The following ZNF385D variants were observed in gnomAD, a reference collection of about 807,000 sequenced individuals.
ZNF385D encodes the protein zinc finger protein 659.
A neutral mutation model predicts 35.8 loss-of-function variants in ZNF385D; 15 were observed. That is an observed-to-expected ratio of 0.42 (90% CI 0.28 to 0.64). The LOEUF is 0.64. Ranked by LOEUF, ZNF385D falls within the 30% of genes least tolerant of loss-of-function variation. ZNF385D has a pLI of 0.23. For synonymous variants in ZNF385D, 212 were observed against 186.8 expected, an observed-to-expected ratio of 1.13 and a Z score of -1.10; for missense variants, 474 against 494.6, an observed-to-expected ratio of 0.96 and a Z score of 0.39.
intron 1 of ZNF385D, among the ~76,000 whole-genome samples, chr3:21,716,591 G>A (rs2068327701): frequency 6.6e-6 from 1 of 152,016 alleles, no homozygotes; most frequent in Non-Finnish European, 1.5e-5. Flanking sequence ...TGATTTCTCG[G>A]CTTCTTAATT....
At chr3:21,935,318 C>A (rs1701206711) in intron 3 of ZNF385D, among the ~76,000 whole-genome samples, 1 of 152,138 alleles carries the variant, frequency 6.6e-6, no homozygotes, top group African/African-American at 2.4e-5. Context: ...AACACTTCTG[C>A]AGCACTTACT....
chr3:21,573,828 G>C (rs1211449145), intron 2 of ZNF385D, among the ~76,000 whole-genome samples: 3 of 151,848 alleles, frequency 2.0e-5, no homozygotes, highest in East Asian at 1.9e-4. Context: ...GGAAGGCCAA[G>C]GAGGGTGGAT....
intron 1 of ZNF385D, among the ~76,000 whole-genome samples, chr3:21,740,986 A>G (rs148642277): frequency 6.6e-6 from 1 of 152,320 alleles, no homozygotes; most frequent in African/African-American, 2.4e-5. Context: ...GCCAGGGTTT[A>G]GATCCACTGA....
At chr3:21,433,683 A>G (rs1559443534) in intron 5 of ZNF385D, among the ~76,000 whole-genome samples, 1 of 152,188 alleles carries the variant, frequency 6.6e-6, no homozygotes, top group Non-Finnish European at 1.5e-5. Flanking sequence ...CAACAATTAA[A>G]TGAACTAAAC....
chr3:21,662,394 G>A (rs2066266346), intron 2 of ZNF385D, among the ~76,000 whole-genome samples: 1 of 152,140 alleles, frequency 6.6e-6, no homozygotes, highest in Admixed American at 6.6e-5. Flanking sequence ...AGCATACCCT[G>A]AAACAAAATT....
intron 2 of ZNF385D, among the ~76,000 whole-genome samples, chr3:22,273,813 C>A (rs1037520502): frequency 2.6e-5 from 4 of 151,870 alleles, no homozygotes; most frequent in African/African-American, 9.7e-5. Context: ...ACTGGACCAG[C>A]AGAGGTTACA....
At chr3:21,559,839 C>G (rs1289578390) in intron 3 of ZNF385D, among the ~76,000 whole-genome samples, 1 of 152,180 alleles carries the variant, frequency 6.6e-6, no homozygotes, top group Non-Finnish European at 1.5e-5. Context: ...TCGCATATTT[C>G]TTGGAGGCTT....
At chr3:21,660,767 C>G (rs566565493) in intron 2 of ZNF385D, among the ~76,000 whole-genome samples, 27 of 152,290 alleles carry the variant, frequency 1.8e-4, no homozygotes, top group Admixed American at 6.5e-4. Context: ...GATAACAAAC[C>G]TAAGAGTCTG....
At chr3:22,101,343 T>C (rs1462887288) in intron 3 of ZNF385D, among the ~76,000 whole-genome samples, 1 of 152,034 alleles carries the variant, frequency 6.6e-6, no homozygotes, top group Non-Finnish European at 1.5e-5. Context: ...TACACATACA[T>C]AACCTTCCAT....
chr3:22,271,250 A>G (rs1320345041), intron 2 of ZNF385D, among the ~76,000 whole-genome samples: 1 of 152,032 alleles, frequency 6.6e-6, no homozygotes, highest in Non-Finnish European at 1.5e-5. Flanking sequence ...TCATAGCAGA[A>G]AAAAGGATGA....
At chr3:21,885,260 TTTTTTCTTTCA>T (rs1698481762) in intron 3 of ZNF385D, among the ~76,000 whole-genome samples, 1 of 152,066 alleles carries the variant, frequency 6.6e-6, no homozygotes, top group African/African-American at 2.4e-5. Flanking sequence ...CAAAATTCAT[TTTTTTCTTTCA>T]TTCTTCCTTT....
intron 2 of ZNF385D, among the ~76,000 whole-genome samples, chr3:22,265,368 T>C (rs1306709699): frequency 2.0e-5 from 3 of 152,004 alleles, no homozygotes; most frequent in South Asian, 2.1e-4. Context: ...GCGATCATCA[T>C]GAAATTACAA....
intron 2 of ZNF385D, among the ~76,000 whole-genome samples, chr3:22,281,671 A>G (rs550844875): frequency 2.0e-5 from 3 of 151,756 alleles, no homozygotes; most frequent in African/African-American, 4.8e-5. Flanking sequence ...TTTTGCATCT[A>G]TGTTCATCAG....
In ZNF385D at chr3:22,216,536, T is replaced by C. The variant is rs560817193; in HGVS notation, c.107-47501A>G. 3.5e-4 allele frequency among the ~76,000 whole-genome samples: 53 copies of C among 152,152 alleles called. No homozygotes were observed. The Middle Eastern group carries it at 0.034, about 98-fold the overall frequency. ...TTCAAGTAACAGAAAATCTTAAGCA[T>C]TGACCCAGATGTGAAAATACAAGGA... On this transcript the variant is annotated intron_variant, in intron 2 of 5. Coordinates refer to the ZNF385D transcript ENST00000494108.
At chr3:22,284,283 G>T (rs1297590051) in intron 2 of ZNF385D, among the ~76,000 whole-genome samples, 1 of 152,100 alleles carries the variant, frequency 6.6e-6, no homozygotes, top group Non-Finnish European at 1.5e-5. Flanking sequence ...TTGCCTCCCA[G>T]GTTCAAGCAA....
At chr3:21,581,194 C>T (rs1390190769) in intron 2 of ZNF385D, among the ~76,000 whole-genome samples, 1 of 152,188 alleles carries the variant, frequency 6.6e-6, no homozygotes, top group African/African-American at 2.4e-5. Flanking sequence ...CGTAGACCTG[C>T]TGGCAATGCC....
At chr3:22,072,408 T>A (rs1244625600) in intron 3 of ZNF385D, among the ~76,000 whole-genome samples, 1 of 152,056 alleles carries the variant, frequency 6.6e-6, no homozygotes, top group Non-Finnish European at 1.5e-5. Flanking sequence ...GCTTCATCTG[T>A]CCTTCAAGCA....
At chr3:21,704,722 G>C (rs2067834276) in intron 1 of ZNF385D, among the ~76,000 whole-genome samples, 1 of 152,156 alleles carries the variant, frequency 6.6e-6, no homozygotes, top group East Asian at 1.9e-4. Context: ...TAAAGTAAAA[G>C]CTGCATTAAA....
chr3:21,471,808 G>A lies in ZNF385D; in HGVS notation c.440-34605C>T, dbSNP rs576752236. ...TTACAGGGTCTTTCTGAATATCTTT[G>A]AGCATTAAAATCTCAGAGAGACAAA... On this transcript the variant is annotated intron_variant, in intron 4 of 7. Coordinates refer to ENST00000281523, the MANE Select transcript of ZNF385D (RefSeq NM_024697.3). Among the ~76,000 whole-genome samples, 4 of 152,060 alleles carry A rather than the reference G, an allele frequency of 2.6e-5. No individual in the cohort carries two copies. In the South Asian group the frequency reaches 8.3e-4, roughly 32 times the overall value.
Sources: gnomAD v4.1 joint callset for allele counts (sites outside exome capture counted in the v4.1 genomes callset) on GRCh38, gnomAD v4.1.1 for gene constraint, MANE v1.5 for transcripts, NCBI Gene and HGNC (gene_info 2026-07-23, HGNC 2026-07-21) for gene names.